Variants in LMTK2 observed in about 807,000 individuals in gnomAD.
The protein encoded by LMTK2 is lemur tail kinase 2, also known as serine/threonine-protein kinase LMTK2.
In LMTK2, 37 loss-of-function variants were observed where a neutral mutation model predicts 127.5. The ratio of observed to expected loss-of-function variants is 0.29; its 90% confidence interval spans 0.22 to 0.38. The LOEUF (loss-of-function observed/expected upper bound fraction) is 0.38, where lower values mean the gene tolerates loss of function less well. Ranked by LOEUF, LMTK2 falls within the 10% of genes least tolerant of loss-of-function variation. The pLI is 1.00. For synonymous variants in LMTK2, 819 were observed against 810.1 expected, an observed-to-expected ratio of 1.01 and a Z score of -0.19; for missense variants, 1,694 against 1,920.3, an observed-to-expected ratio of 0.88 and a Z score of 2.20.
chr7:98,153,181 C>T (rs536865333), intron 4 of LMTK2, among the ~76,000 whole-genome samples: 21 of 152,146 alleles, frequency 1.4e-4, no homozygotes, highest in African/African-American at 4.6e-4. Flanking sequence ...GAGAGGGTCC[C>T]GGCTGGACAT....
At position 98,140,170 on chromosome 7, in the gene LMTK2, T is replaced by TCTG. The variant is rs1562902876; in HGVS notation, c.232-1227_232-1226insCTG. Among the ~76,000 whole-genome samples, 13 of 12,798 alleles carry TCTG rather than the reference T, an allele frequency of 1.0e-3. 3 individuals carry two copies. The highest frequency in any genetic ancestry group is 3.3e-3 in the African/African-American group (13 of 3,904). 8.4% of individuals were successfully genotyped at this position (12,798 alleles called of 152,430 possible). On this transcript the variant is annotated intron_variant, in intron 2 of 13. Coordinates refer to ENST00000297293, the MANE Select transcript of LMTK2 (RefSeq NM_014916.4). ...TTCTTTTCTTTTCTTTTCTTTTCTTTTCTTTCTTTTCTTTCTTCTTTCTGT... is the reference window on the plus strand; with the variant it reads ...TTCTTTTCTTTTCTTTTCTTTTCTTTCTGTCTTTCTTTTCTTTCTTCTTTCTGT...
chr7:98,208,092 C>T lies in LMTK2; in HGVS notation c.*2600C>T, dbSNP rs1797836768. On this transcript the variant is annotated 3_prime_UTR_variant, in exon 14 of 14. Coordinates refer to ENST00000297293, the MANE Select transcript of LMTK2 (RefSeq NM_014916.4). ...TGCCACTGTACTCTAGCCTGGGTAA[C>T]AGCCAGACCCTGTCTCAAAAAAAAA... 6.6e-6 allele frequency: 1 copy of T among 151,272 alleles called. No individual in the cohort carries two copies. The highest frequency in any genetic ancestry group is 1.5e-5 in the Non-Finnish European group (1 of 67,914). The allele number at this position is 151,272 out of a possible 1,614,324, so 9.4% of individuals were successfully genotyped here.
At chr7:98,114,924 T>G (rs1426839643) in intron 1 of LMTK2, among the ~76,000 whole-genome samples, 1 of 152,122 alleles carries the variant, frequency 6.6e-6, no homozygotes, top group Non-Finnish European at 1.5e-5. Context: ...CCCTTAGAGA[T>G]TCCTTCCCTT....
intron 1 of LMTK2, among the ~76,000 whole-genome samples, chr7:98,109,994 T>C (rs1796177435): frequency 6.6e-6 from 1 of 152,156 alleles, no homozygotes. Context: ...AAAACCTAAC[T>C]AAAGCTTCTG....
At chr7:98,170,866 G>A (rs1310582549) in intron 6 of LMTK2, among the ~76,000 whole-genome samples, 1 of 152,136 alleles carries the variant, frequency 6.6e-6, no homozygotes, top group African/African-American at 2.4e-5. Context: ...TCATGGCCAT[G>A]TGCTGGGCAT....
chr7:98,163,653 C>A (rs961515999), intron 6 of LMTK2, among the ~76,000 whole-genome samples: 1 of 152,186 alleles, frequency 6.6e-6, no homozygotes, highest in African/African-American at 2.4e-5. Context: ...GTAGCACCAG[C>A]CCAGGGAGCC....
intron 1 of LMTK2, among the ~76,000 whole-genome samples, chr7:98,127,040 T>A (rs947831886): frequency 2.6e-5 from 4 of 152,238 alleles, no homozygotes; most frequent in African/African-American, 9.6e-5. Context: ...TTAGAATACC[T>A]GAGGGAGATT....
intron 11 of LMTK2, among the ~76,000 whole-genome samples, chr7:98,202,723 G>A (rs1353747740): frequency 6.6e-6 from 1 of 152,114 alleles, no homozygotes; most frequent in African/African-American, 2.4e-5. Context: ...TCTCCCCTGA[G>A]GTTCATTTTC....
intron 1 of LMTK2, among the ~76,000 whole-genome samples, chr7:98,135,930 C>T (rs1331952433): frequency 6.6e-6 from 1 of 151,760 alleles, no homozygotes; most frequent in African/African-American, 2.4e-5. Flanking sequence ...TCAGGGGAGG[C>T]CCCCCACGCA....
At chr7:98,174,333 C>T (rs937441057) in intron 7 of LMTK2, among the ~76,000 whole-genome samples, 5 of 152,144 alleles carry the variant, frequency 3.3e-5, no homozygotes, top group Non-Finnish European at 5.9e-5. Flanking sequence ...GGAAACTAAT[C>T]TAGTAAGGCA....
At chr7:98,108,746 GTATT>G (rs1236433245) in intron 1 of LMTK2, among the ~76,000 whole-genome samples, 1 of 151,778 alleles carries the variant, frequency 6.6e-6, no homozygotes, top group East Asian at 1.9e-4. Context: ...TAGGTAAAGA[GTATT>G]TATATGATGG....
chr7:98,109,949 C>T (rs929926976), intron 1 of LMTK2, among the ~76,000 whole-genome samples: 2 of 152,024 alleles, frequency 1.3e-5, no homozygotes, highest in African/African-American at 4.8e-5. Flanking sequence ...TCCCGCTTGA[C>T]CATGTATGGT....
Position 98,192,496 on chromosome 7 carries a change from A to G in LMTK2, c.2031A>G (p.Lys677=). Residue 677 remains lysine (K), a synonymous_variant, in exon 11 of 14, where the codon AAA becomes AAG. Transcript: ENST00000297293. ...ATLSSSLDNP[K]ESVITGHFEK... ...TAAGTTCCAGTTTGGATAACCCCAA[A>G]GAGTCAGTCATAACAGGCCACTTTG... The G allele has an allele frequency of 6.2e-7, 1 of 1,611,780 alleles. No individual in the cohort carries two copies. Among genetic ancestry groups the G allele is most frequent in the Non-Finnish European group, 8.5e-7 (1 of 1,179,486 alleles).
chr7:98,205,601 G>T lies in LMTK2; in HGVS notation c.*109G>T. On this transcript the variant is annotated 3_prime_UTR_variant, in exon 14 of 14. Coordinates refer to ENST00000297293, the MANE Select transcript of LMTK2 (RefSeq NM_014916.4). The stretch of plus-strand genomic sequence containing the variant: ...ACTCGCCATTTGCTGACATGAGATT[G>T]GGAGGAAGAATCCAGAGGTGAAGAG... 1 of 1,209,740 alleles carries T rather than the reference G, an allele frequency of 8.3e-7. No homozygotes were observed. Among genetic ancestry groups the T allele is most frequent in the South Asian group, 1.3e-5 (1 of 79,582 alleles). 74.9% of individuals were successfully genotyped at this position (1,209,740 alleles called of 1,614,324 possible).
chr7:98,180,794 T>C (rs960493850), intron 7 of LMTK2, among the ~76,000 whole-genome samples: 3 of 152,206 alleles, frequency 2.0e-5, no homozygotes, highest in Non-Finnish European at 4.4e-5. Flanking sequence ...ATTACTCAAG[T>C]AATACAAGCT....
chr7:98,181,644 G>A (rs1289978515), intron 7 of LMTK2, among the ~76,000 whole-genome samples: 3 of 152,048 alleles, frequency 2.0e-5, no homozygotes, highest in African/African-American at 7.2e-5. Flanking sequence ...TCATATATAT[G>A]GTCAAATGAT....
chr7:98,180,472 T>A (rs1374274792), intron 7 of LMTK2, among the ~76,000 whole-genome samples: 1 of 152,246 alleles, frequency 6.6e-6, no homozygotes, highest in African/African-American at 2.4e-5. Flanking sequence ...AAAAACTTAA[T>A]CTGTTGTCTG....
At chr7:98,140,142 CTTTTCTTTT>C (rs1796663173) in intron 2 of LMTK2, among the ~76,000 whole-genome samples, 3 of 67,234 alleles carry the variant, frequency 4.5e-5, no homozygotes, top group African/African-American at 1.9e-4. Flanking sequence ...TTCTTTCTTT[CTTTTCTTTT>C]CTTTTCTTTT....
intron 4 of LMTK2, 32 bp from the exon 5 acceptor site, chr7:98,154,726 A>C: frequency 7.2e-7 from 1 of 1,381,580 alleles, no homozygotes; most frequent in Non-Finnish European, 1.0e-6. Context: ...ATTTTGATGG[A>C]AATGACACAA....
Sources: allele counts gnomAD v4.1 joint callset (sites outside exome capture counted in the v4.1 genomes callset), GRCh38; gene constraint gnomAD v4.1.1; transcripts MANE v1.5; gene names NCBI Gene and HGNC (gene_info 2026-07-23, HGNC 2026-07-21).